DAP3: variants seen among roughly 807,000 people sequenced by gnomAD.
DAP3 encodes death associated protein 3.
Under a neutral mutation model 51.9 loss-of-function variants are expected in DAP3, and 28 were observed. The observed-to-expected ratio is 0.54, with a 90% CI of 0.40 to 0.74. The LOEUF is 0.74. DAP3 is among the 30% of genes least tolerant of loss of function. The pLI is 0.00. For missense variants in DAP3, 458 were observed against 483.5 expected, an observed-to-expected ratio of 0.95 and a Z score of 0.49; for synonymous variants, 170 against 170.3, an observed-to-expected ratio of 1.00 and a Z score of 0.01.
rs192372114 is a variant in DAP3, at chr1:155,706,196, G to T, written c.-7-3577G>T. 2.0e-4 allele frequency among the ~76,000 whole-genome samples: 30 copies of T among 152,120 alleles called. 1 individual carries two copies. Among genetic ancestry groups the T allele is most frequent in the Admixed American group, 1.6e-3 (25 of 15,260 alleles). On this transcript the variant is annotated intron_variant, in intron 1 of 12. Transcript: ENST00000368336. ...TTTTTTTCTTTTGTTTGTGGAATTGGCGGTCTTACTATGTACCCAAGCTGG... is the reference window on the plus strand; with the variant it reads ...TTTTTTTCTTTTGTTTGTGGAATTGTCGGTCTTACTATGTACCCAAGCTGG...
chr1:155,712,187 A>G (rs1247160591), intron 2 of DAP3, among the ~76,000 whole-genome samples: 1 of 152,200 alleles, frequency 6.6e-6, no homozygotes, highest in Non-Finnish European at 1.5e-5. Flanking sequence ...TTGGCTCACA[A>G]ATGCTCTTTC....
intron 11 of DAP3, among the ~76,000 whole-genome samples, chr1:155,735,998 C>T (rs558386270): frequency 4.8e-4 from 73 of 152,042 alleles, no homozygotes; most frequent in African/African-American, 1.7e-3. Context: ...CATGCCACCA[C>T]GCCCAGCTAA....
At chr1:155,689,084 C>T, upstream of DAP3, 7 of 1,461,396 alleles carry the variant, frequency 4.8e-6, no homozygotes, top group Non-Finnish European at 4.6e-6. Context: ...TGACCCGACC[C>T]TTTTTTGCAG....
intron 1 of DAP3, among the ~76,000 whole-genome samples, chr1:155,696,801 T>G (rs1240606170): frequency 2.0e-5 from 3 of 152,250 alleles, no homozygotes; most frequent in Non-Finnish European, 2.9e-5. Context: ...TGGCTGCAGG[T>G]TCTTTGTTAT....
At chr1:155,727,553 C>A in intron 6 of DAP3, 55 bp from the exon 7 acceptor site, 1 of 1,571,806 alleles carries the variant, frequency 6.4e-7, no homozygotes, top group Non-Finnish European at 8.6e-7. Flanking sequence ...TAGAATATTT[C>A]GAGTTGAATA....
intron 3 of DAP3, among the ~76,000 whole-genome samples, chr1:155,718,749 T>TAGAG (rs200464386): frequency 2.2e-5 from 3 of 137,724 alleles, no homozygotes; most frequent in South Asian, 4.6e-4. Context: ...GATAGATAGA[T>TAGAG]ATAGATATAG....
At chr1:155,736,634 C>G (rs941012673) in intron 11 of DAP3, 1 of 333,556 alleles carries the variant, frequency 3.0e-6, no homozygotes, top group Non-Finnish European at 5.6e-6. Flanking sequence ...CCAGGCTCGT[C>G]TGGAACTCCT....
rs556426361 is a variant in DAP3 at position 155,719,843 on chromosome 1, G to C, written c.169-1674G>C. On this transcript the variant is annotated intron_variant, in intron 3 of 12. Coordinates refer to ENST00000368336, the MANE Select transcript of DAP3 (RefSeq NM_004632.4). ...ATGACAGGCATGAGCCACTGCACTC[G>C]GCCAAAAGTTTTTCAATTAGCAGTG... 3.9e-5 allele frequency among the ~76,000 whole-genome samples: 6 copies of C among 152,058 alleles called. No homozygotes were observed. The East Asian group carries it at 1.2e-3, about 29-fold the overall frequency.
intron 3 of DAP3, among the ~76,000 whole-genome samples, chr1:155,720,641 T>A: frequency 6.8e-6 from 1 of 147,688 alleles, no homozygotes; most frequent in African/African-American, 2.5e-5. Flanking sequence ...AGAGTGAAAC[T>A]CCATCTCAAA....
chr1:155,713,126 G>A (rs375532832), intron 2 of DAP3, among the ~76,000 whole-genome samples: 3 of 152,200 alleles, frequency 2.0e-5, no homozygotes, highest in East Asian at 1.9e-4. Context: ...GGGATACATC[G>A]CAACATATAG....
chr1:155,710,958 C>T (rs907702598), intron 2 of DAP3, among the ~76,000 whole-genome samples: 2 of 152,034 alleles, frequency 1.3e-5, no homozygotes, highest in Admixed American at 6.6e-5. Flanking sequence ...GCAGGAGATC[C>T]TGAAAGGCTC....
chr1:155,717,200 A>G, intron 3 of DAP3, 72 bp downstream of exon 3: 1 of 1,577,178 alleles, frequency 6.3e-7, no homozygotes, highest in Non-Finnish European at 8.6e-7. Flanking sequence ...TTTGCATAGG[A>G]AAACTGAAAC....
In DAP3 at chr1:155,689,153, G is replaced by C. The variant is rs1653274610; in HGVS notation, c.-29G>C. 1.3e-6 allele frequency: 1 copy of C among 796,872 alleles called. No individual in the cohort carries two copies. The highest frequency in any genetic ancestry group is 2.1e-5 in the Admixed American group (1 of 48,734). 49.4% of individuals were successfully genotyped at this position (796,872 alleles called of 1,614,324 possible). On this transcript the variant is annotated 5_prime_UTR_variant, in exon 1 of 13. Transcript: ENST00000368336. ...CAGCGTGTGTCGGTCGCCTAGTCTGGAGAACTAGTCCTCGACTCACGGTGA... is the reference window on the plus strand; with the variant it reads ...CAGCGTGTGTCGGTCGCCTAGTCTGCAGAACTAGTCCTCGACTCACGGTGA...
chr1:155,713,623 A>C (rs142337440), intron 2 of DAP3, among the ~76,000 whole-genome samples: 5 of 152,270 alleles, frequency 3.3e-5, no homozygotes, highest in Admixed American at 6.5e-5. Flanking sequence ...TTTTCTTCCG[A>C]GCGTGTAGCC....
At chr1:155,696,625 A>T (rs1373424013) in intron 1 of DAP3, among the ~76,000 whole-genome samples, 4 of 152,252 alleles carry the variant, frequency 2.6e-5, no homozygotes, top group Non-Finnish European at 5.9e-5. Context: ...ATAACATTGA[A>T]TAAGTTGGTC....
chr1:155,708,534 GTTTTTGT>G (rs1656273917), intron 1 of DAP3, among the ~76,000 whole-genome samples: 1 of 126,410 alleles, frequency 7.9e-6, no homozygotes, highest in Admixed American at 8.1e-5. Context: ...TTCTTTTTCT[GTTTTTGT>G]TTTTTTTTTT....
upstream of DAP3, chr1:155,689,044 C>T: frequency 6.4e-7 from 1 of 1,561,008 alleles, no homozygotes; most frequent in Non-Finnish European, 8.7e-7. Flanking sequence ...GAGGCCGCGG[C>T]GGCTGCGCGT....
chr1:155,733,021 C>T (rs1175461320), intron 11 of DAP3, among the ~76,000 whole-genome samples: 1 of 152,078 alleles, frequency 6.6e-6, no homozygotes, highest in East Asian at 1.9e-4. Context: ...GAGACTCCGT[C>T]TCAAAAAAAA....
chr1:155,713,815 T>C (rs1657004802), intron 2 of DAP3, among the ~76,000 whole-genome samples: 1 of 152,216 alleles, frequency 6.6e-6, no homozygotes, highest in Admixed American at 6.6e-5. Context: ...TCTTCTAGGA[T>C]TTCTAGGTTT....
Sources: gnomAD v4.1 joint callset for allele counts (sites outside exome capture counted in the v4.1 genomes callset) on GRCh38, gnomAD v4.1.1 for gene constraint, MANE v1.5 for transcripts, NCBI Gene and HGNC (gene_info 2026-07-23, HGNC 2026-07-21) for gene names.